CLPTM1: variants seen among roughly 807,000 people sequenced by gnomAD.
The protein encoded by CLPTM1 is CLPTM1 regulator of GABA type A receptor forward trafficking.
A neutral mutation model predicts 77.3 loss-of-function variants in CLPTM1; 21 were observed. The ratio of observed to expected loss-of-function variants is 0.27; its 90% CI spans 0.19 to 0.39. The LOEUF is 0.39. Ranked by LOEUF, CLPTM1 falls within the 10% of genes least tolerant of loss-of-function variation. The pLI is 1.00. For synonymous variants in CLPTM1, 373 were observed against 381.0 expected, an observed-to-expected ratio of 0.98 and a Z score of 0.24; for missense variants, 642 against 921.2, an observed-to-expected ratio of 0.70 and a Z score of 3.92.
intron 2 of CLPTM1, among the ~76,000 whole-genome samples, chr19:44,969,199 A>G (rs1254365674): frequency 6.6e-6 from 1 of 152,216 alleles, no homozygotes; most frequent in Non-Finnish European, 1.5e-5. Flanking sequence ...TACACGCTAT[A>G]TAAACATATA....
At chr19:44,961,838 C>A in intron 1 of CLPTM1, 125 bp from the exon 2 acceptor site, 1 of 535,244 alleles carries the variant, frequency 1.9e-6, no homozygotes, top group East Asian at 3.3e-5. Flanking sequence ...TTCACTGATT[C>A]ATTCTCCAGT....
chr19:44,990,374 C>T lies in CLPTM1; in HGVS notation c.1133-21C>T, dbSNP rs944400538. Reference sequence around the variant, plus strand: ...CAGCACCTCCTCAGCCTCCTGGTTCCCCCCTACCCCCTGCGCACAGATATC... The same window carrying T: ...CAGCACCTCCTCAGCCTCCTGGTTCTCCCCTACCCCCTGCGCACAGATATC... On this transcript the variant is annotated intron_variant, in intron 9 of 13. Coordinates refer to ENST00000337392, the MANE Select transcript of CLPTM1 (RefSeq NM_001294.4). This position sits in a 1 kb window ranked among gnomAD's most constrained non-coding sequence, Gnocchi z 4.8. 7 of 1,609,762 alleles carry T rather than the reference C, an allele frequency of 4.3e-6. No individual in the cohort carries two copies. The highest frequency in any genetic ancestry group is 5.9e-6 in the Non-Finnish European group (7 of 1,176,808).
intron 2 of CLPTM1, among the ~76,000 whole-genome samples, chr19:44,967,638 CAA>C (rs939436653): frequency 1.7e-4 from 24 of 141,262 alleles, no homozygotes; most frequent in Non-Finnish European, 2.9e-4. Context: ...GCCTGGGCAA[CAA>C]GAGTGAAACT....
rs1970759149 is a variant in CLPTM1 at position 44,973,761 on chromosome 19, G to GTTTTTTTTTGTTTT, written c.309+560_309+561insGTTTTTTTTTTTTT. On this transcript the variant is annotated intron_variant, in intron 3 of 13. Transcript: ENST00000337392. ...GGAAGTTCTTGTTGGGTCACAGTGG[G>GTTTTTTTTTGTTTT]TTTTTTTTTTTTTTTTTTTTGAGAT... Among the ~76,000 whole-genome samples, 2 of 62,458 alleles carry GTTTTTTTTTGTTTT rather than the reference G, an allele frequency of 3.2e-5. 1 individual carries two copies. Among genetic ancestry groups the GTTTTTTTTTGTTTT allele is most frequent in the Non-Finnish European group, 7.9e-5 (2 of 25,392 alleles). 41.0% of individuals were successfully genotyped at this position (62,458 alleles called of 152,430 possible). A position where few individuals can be genotyped will look rare whatever the true frequency, so the allele number is the denominator to read the frequency against.
chr19:44,972,740 G>A (rs1970741079), intron 2 of CLPTM1, among the ~76,000 whole-genome samples: 1 of 151,862 alleles, frequency 6.6e-6, no homozygotes, highest in African/African-American at 2.4e-5. Flanking sequence ...ATCCCAGGGG[G>A]CTGGATGGCA....
chr19:44,983,445 CCT>C (rs1483725281), intron 5 of CLPTM1, among the ~76,000 whole-genome samples: 2 of 150,714 alleles, frequency 1.3e-5, no homozygotes, highest in East Asian at 3.9e-4. Context: ...ATGGTGACAC[CCT>C]GTCTCTACTA....
intron 8 of CLPTM1, chr19:44,987,630 G>T (rs1971002660): frequency 1.5e-6 from 1 of 648,756 alleles, no homozygotes; most frequent in African/African-American, 1.8e-5. Context: ...CTCTCCCCAG[G>T]CTGTTCTGTT....
intron 5 of CLPTM1, among the ~76,000 whole-genome samples, chr19:44,984,794 C>G (rs1237764164): frequency 2.0e-5 from 3 of 152,208 alleles, no homozygotes; most frequent in Non-Finnish European, 2.9e-5. Flanking sequence ...TCAAGCGATT[C>G]TCCTGCCTCA....
rs1393708358 is a variant in CLPTM1, at chr19:44,987,517, C to T, written c.1038+94C>T. 1.1e-5 allele frequency: 16 copies of T among 1,507,056 alleles called. No individual in the cohort carries two copies. In the Admixed American group the frequency reaches 1.3e-4, roughly 12 times the overall value. The allele number at this position is 1,507,056 out of a possible 1,614,324, so 93.4% of individuals were successfully genotyped here. A position where few individuals can be genotyped will look rare whatever the true frequency, so the allele number is the denominator to read the frequency against. ...GCCAGGCCTGGGCTGTGGGACCTCC[C>T]GCCTGGTGCTCCTCTGCCCACAGTT... On this transcript the variant is annotated intron_variant, in intron 8 of 13. Coordinates refer to ENST00000337392, the MANE Select transcript of CLPTM1 (RefSeq NM_001294.4).
chr19:44,985,209 C>T lies in CLPTM1; in HGVS notation c.587-9C>T. 1 of 1,612,140 alleles carries T rather than the reference C, an allele frequency of 6.2e-7. No individual in the cohort carries two copies. The highest frequency in any genetic ancestry group is 1.1e-5 in the South Asian group (1 of 90,900). ...TCACGTCCCCTCCTTTCCCACCTCC[C>T]AACCACAGTGATCAACAAATACAAG... On this transcript the variant is annotated splice_polypyrimidine_tract_variant and intron_variant, in intron 5 of 13. Coordinates refer to ENST00000337392, the MANE Select transcript of CLPTM1 (RefSeq NM_001294.4).
intron 2 of CLPTM1, 132 bp from the exon 3 acceptor site, chr19:44,972,955 T>C (rs564213798): frequency 7.8e-7 from 1 of 1,275,900 alleles, no homozygotes; most frequent in South Asian, 1.4e-5. Flanking sequence ...GACTACCTTC[T>C]CAGGGCCTCC....
At chr19:44,986,353 A>G (rs1970977614) in intron 6 of CLPTM1, 102 bp from the exon 7 acceptor site, 2 of 1,442,438 alleles carry the variant, frequency 1.4e-6, no homozygotes, top group Non-Finnish European at 1.9e-6. Context: ...GAAAGCAAAG[A>G]TTAAGATTTT....
upstream of CLPTM1, chr19:44,955,145 A>G: frequency 6.5e-7 from 1 of 1,535,756 alleles, no homozygotes; most frequent in Non-Finnish European, 8.7e-7. Flanking sequence ...GCTGGCCGAG[A>G]AAGTCCTGGA....
At chr19:44,956,190 C>A (rs900906273) in intron 1 of CLPTM1, among the ~76,000 whole-genome samples, 1 of 152,164 alleles carries the variant, frequency 6.6e-6, no homozygotes, top group African/African-American at 2.4e-5. Flanking sequence ...AAGGTGCTGT[C>A]GACCCACCCA....
upstream of CLPTM1, chr19:44,955,086 G>A (rs146537404): frequency 2.6e-6 from 4 of 1,535,742 alleles, no homozygotes; most frequent in Non-Finnish European, 3.5e-6. Context: ...AACCGAAAAG[G>A]CGGGTTAATG....
intron 9 of CLPTM1, among the ~76,000 whole-genome samples, chr19:44,988,814 T>C (rs1707773538): frequency 6.6e-6 from 1 of 152,170 alleles, no homozygotes; most frequent in South Asian, 2.1e-4. Flanking sequence ...AGCACCCCAG[T>C]CTGAAGGAGT....
intron 1 of CLPTM1, among the ~76,000 whole-genome samples, chr19:44,956,454 A>T (rs996646431): frequency 3.3e-5 from 5 of 152,236 alleles, no homozygotes; most frequent in Admixed American, 2.6e-4. Context: ...AGTCTGTGTC[A>T]GGGACTGGGG....
At chr19:44,973,009 A>C in intron 2 of CLPTM1, 78 bp from the exon 3 acceptor site, 5 of 1,572,728 alleles carry the variant, frequency 3.2e-6, no homozygotes, top group Non-Finnish European at 4.3e-6. Flanking sequence ...GCATGTGCTA[A>C]GTCAGAAGGA....
chr19:44,971,200 G>A (rs553412570), intron 2 of CLPTM1, among the ~76,000 whole-genome samples: 6 of 152,026 alleles, frequency 3.9e-5, no homozygotes, highest in African/African-American at 7.2e-5. Context: ...ACCTACAGTC[G>A]TGTCCATTCT....
Sources: allele counts gnomAD v4.1 joint callset (sites outside exome capture counted in the v4.1 genomes callset), GRCh38; gene constraint gnomAD v4.1.1; non-coding constraint Gnocchi (gnomAD v3.1); transcripts MANE v1.5; gene names NCBI Gene and HGNC (gene_info 2026-07-23, HGNC 2026-07-21).